Variants in PTPN14 observed in about 807,000 individuals in gnomAD.
PTPN14 encodes protein tyrosine phosphatase non-receptor type 14, also known as tyrosine-protein phosphatase non-receptor type 14.
In PTPN14, 53 loss-of-function variants were observed where a neutral mutation model predicts 126.8. The ratio of observed to expected loss-of-function variants is 0.42; its 90% CI spans 0.34 to 0.53. The LOEUF is 0.53. Among genes scored for constraint, PTPN14 ranks in the 20% least tolerant of loss-of-function variants. PTPN14 has a pLI of 0.08. For synonymous variants in PTPN14, 630 were observed against 599.3 expected (o/e 1.05, Z -0.75); for missense variants, 1,257 against 1,552.9 (o/e 0.81, Z 3.20).
chr1:214,380,256 T>G (rs1289870259), intron 13 of PTPN14, among the ~76,000 whole-genome samples: 1 of 152,188 alleles, frequency 6.6e-6, no homozygotes, highest in Non-Finnish European at 1.5e-5. Flanking sequence ...TCAGCAGTCC[T>G]GCTTTCTTTC....
At chr1:214,460,368 C>T (rs912789982) in intron 2 of PTPN14, among the ~76,000 whole-genome samples, 7 of 151,906 alleles carry the variant, frequency 4.6e-5, no homozygotes, top group African/African-American at 1.7e-4. Flanking sequence ...CTCCTTTACC[C>T]TCCTTCCCTT....
At chr1:214,422,946 T>C (rs1558095504) in intron 3 of PTPN14, among the ~76,000 whole-genome samples, 1 of 152,100 alleles carries the variant, frequency 6.6e-6, no homozygotes, top group Admixed American at 6.5e-5. Flanking sequence ...AATGAGGCAA[T>C]GGAAGTAAAT....
intron 1 of PTPN14, among the ~76,000 whole-genome samples, chr1:214,490,593 T>C (rs1007203882): frequency 6.6e-6 from 1 of 151,788 alleles, no homozygotes; most frequent in South Asian, 2.1e-4. Flanking sequence ...TCTCAATACT[T>C]TGGGAGGCCA....
chr1:214,414,145 C>T (rs17731408), intron 4 of PTPN14, among the ~76,000 whole-genome samples: 7,452 of 152,258 alleles, frequency 0.049, 218 homozygotes, highest in South Asian at 0.11. Context: ...AAGATAAATT[C>T]AGTCCAATAC....
At chr1:214,469,526 C>T (rs1660707845) in intron 1 of PTPN14, among the ~76,000 whole-genome samples, 1 of 152,154 alleles carries the variant, frequency 6.6e-6, no homozygotes, top group African/African-American at 2.4e-5. Context: ...TTTTATCACA[C>T]ATACATTATA....
At chr1:214,436,156 T>A (rs144260077) in intron 3 of PTPN14, among the ~76,000 whole-genome samples, 10 of 152,168 alleles carry the variant, frequency 6.6e-5, no homozygotes, top group Non-Finnish European at 1.5e-4. Context: ...GAAAACCAAA[T>A]ACCGCATGTT....
rs547168710 is a variant in PTPN14 at position 214,496,543 on chromosome 1, T to C, written c.-154-31586A>G. On this transcript the variant is annotated intron_variant, in intron 1 of 18. Transcript: ENST00000366956. ...AATTGTGGGTTTTCTGTTTCTTGTT[T>C]TCAGCAGCACCTTTATTTTCAAATG... Among the ~76,000 whole-genome samples, 19 of 152,332 alleles carry C rather than the reference T, an allele frequency of 1.2e-4. No homozygotes were observed. The South Asian group carries it at 3.9e-3, about 32-fold the overall frequency.
intron 1 of PTPN14, among the ~76,000 whole-genome samples, chr1:214,523,049 C>T (rs2102459602): frequency 6.6e-6 from 1 of 152,290 alleles, no homozygotes; most frequent in South Asian, 2.1e-4. Flanking sequence ...AAGACTTAAT[C>T]ATACTTAGTG....
chr1:214,362,899 G>A (rs376625154), intron 18 of PTPN14, among the ~76,000 whole-genome samples: 12 of 152,148 alleles, frequency 7.9e-5, no homozygotes, highest in African/African-American at 2.7e-4. Flanking sequence ...GATATGAAGG[G>A]AAGGAAAGGA....
At chr1:214,490,833 GGGAAAGGAAA>G (rs375730583) in intron 1 of PTPN14, among the ~76,000 whole-genome samples, 2 of 67,164 alleles carry the variant, frequency 3.0e-5, no homozygotes, top group Non-Finnish European at 2.8e-5. Context: ...CGAGACGGAA[GGGAAAGGAAA>G]GGAAAGGAAG....
At chr1:214,403,149 T>C (rs574394604) in intron 5 of PTPN14, among the ~76,000 whole-genome samples, 196 bp from the exon 6 acceptor site, 1 of 152,208 alleles carries the variant, frequency 6.6e-6, no homozygotes, top group Non-Finnish European at 1.5e-5. Context: ...CGGCTCTCCA[T>C]TATAACAGGT....
chr1:214,413,436 G>A (rs1192512499), intron 4 of PTPN14, among the ~76,000 whole-genome samples: 4 of 152,162 alleles, frequency 2.6e-5, no homozygotes, highest in African/African-American at 9.7e-5. Flanking sequence ...GAATGAAAGA[G>A]GTCAGGAGAA....
At chr1:214,448,925 A>T (rs998251740) in intron 3 of PTPN14, among the ~76,000 whole-genome samples, 2 of 152,122 alleles carry the variant, frequency 1.3e-5, no homozygotes, top group Non-Finnish European at 2.9e-5. Context: ...TTTGTGCTCC[A>T]GAACTGACAA....
At chr1:214,365,923 A>T (rs1219584524) in intron 17 of PTPN14, among the ~76,000 whole-genome samples, 8 of 152,122 alleles carry the variant, frequency 5.3e-5, no homozygotes, top group Non-Finnish European at 4.4e-5. Context: ...CCAGCACTTT[A>T]GGAGGCTGAG....
chr1:214,435,218 G>A (rs1031227071), intron 3 of PTPN14, among the ~76,000 whole-genome samples: 2 of 151,824 alleles, frequency 1.3e-5, no homozygotes, highest in East Asian at 1.9e-4. Context: ...AAGTAAAATG[G>A]TTCAGTCCGG....
chr1:214,441,703 C>T (rs1018652816), intron 3 of PTPN14, among the ~76,000 whole-genome samples: 1 of 152,202 alleles, frequency 6.6e-6, no homozygotes, highest in African/African-American at 2.4e-5. Flanking sequence ...TCATAAGGCA[C>T]AGCCTGCATG....
intron 1 of PTPN14, among the ~76,000 whole-genome samples, chr1:214,521,840 C>A (rs1168705448): frequency 2.0e-5 from 3 of 151,424 alleles, no homozygotes; most frequent in Non-Finnish European, 4.4e-5. Context: ...GCAGCACATC[C>A]CCCAGTTGTT....
intron 3 of PTPN14, among the ~76,000 whole-genome samples, chr1:214,433,639 T>C (rs1184480083): frequency 6.6e-6 from 1 of 151,890 alleles, no homozygotes; most frequent in East Asian, 1.9e-4. Flanking sequence ...GCCATAAATA[T>C]ACGCTTAAGA....
At chr1:214,372,647 A>AG in intron 16 of PTPN14, 64 bp downstream of exon 16, 1 of 1,610,498 alleles carries the variant, frequency 6.2e-7, no homozygotes, top group Non-Finnish European at 8.5e-7. Flanking sequence ...GACAGCACAA[A>AG]GCCCATCTTC....
Sources: gnomAD v4.1 joint callset for allele counts (sites outside exome capture counted in the v4.1 genomes callset) on GRCh38, gnomAD v4.1.1 for gene constraint, MANE v1.5 for transcripts, NCBI Gene and HGNC (gene_info 2026-07-23, HGNC 2026-07-21) for gene names.